The following VPS13B variants were observed in gnomAD, a reference collection of about 807,000 sequenced individuals.
VPS13B encodes vacuolar protein sorting 13 homolog B.
VPS13B carries 285 observed loss-of-function variants against 426.4 expected under a neutral mutation model. The ratio of observed to expected loss-of-function variants is 0.67; its 90% CI spans 0.61 to 0.74. The LOEUF is 0.74. VPS13B is among the 30% of genes least tolerant of loss of function. The probability of loss-of-function intolerance (pLI) is 0.00; values close to 1 mark genes in which losing one functional copy is unlikely to be tolerated. For missense variants in VPS13B, 4,537 were observed against 4,782.6 expected, an observed-to-expected ratio of 0.95 and a Z score of 1.51; for synonymous variants, 1,676 against 1,676.4, an observed-to-expected ratio of 1.00 and a Z score of 0.01.
chr8:99,783,789 T>G (rs1003378446), intron 42 of VPS13B, among the ~76,000 whole-genome samples: 10 of 152,322 alleles, frequency 6.6e-5, no homozygotes, highest in African/African-American at 2.4e-4. Context: ...TTTATTTACA[T>G]CTCTCACTGA....
intron 39 of VPS13B, among the ~76,000 whole-genome samples, chr8:99,752,171 C>T (rs1810428289): frequency 6.6e-6 from 1 of 151,544 alleles, no homozygotes. Context: ...AGCAAGACTC[C>T]ATCTCTAAAA....
intron 42 of VPS13B, among the ~76,000 whole-genome samples, chr8:99,781,247 A>G (rs1188430858): frequency 1.3e-5 from 2 of 152,192 alleles, no homozygotes; most frequent in Non-Finnish European, 2.9e-5. Flanking sequence ...AGGATCCAAA[A>G]TGCCATTTGC....
rs777140563 is a variant in VPS13B, at chr8:99,502,908, A to C, written c.4115A>C (p.Lys1372Thr). 6.2e-7 allele frequency: 1 copy of C among 1,613,162 alleles called. No homozygotes were observed. ...GTCCAGGATGTATATACCAAAGTGA[A>C]ATGTAAAATAGAGAGTTTCAATATT... ...IDVQDVYTKV[K>T]CKIESFNIDH... is the part of the protein sequence containing the mutation. The change falls in exon 27 of 62, where the codon AAA becomes ACA. Residue 1372 changes from lysine (K) to threonine (T), a missense_variant. Around this residue, in one of 2 missense-constraint regions of VPS13B, gnomAD observed 4,311 missense variants for 4,474.3 expected, o/e 0.96. Coordinates refer to ENST00000357162, the MANE Select transcript of VPS13B (RefSeq NM_152564.5).
intron 6 of VPS13B, among the ~76,000 whole-genome samples, chr8:99,112,780 C>T (rs1325131723): frequency 6.6e-6 from 1 of 152,002 alleles, no homozygotes; most frequent in Middle Eastern, 3.2e-3. Flanking sequence ...ATGTAATGGT[C>T]TATTCTAGGA....
chr8:99,014,112 T>TC (rs1841470943), intron 2 of VPS13B, among the ~76,000 whole-genome samples, 177 bp downstream of exon 2: 1 of 111,732 alleles, frequency 8.9e-6, no homozygotes, highest in African/African-American at 3.9e-5. Context: ...CTTTCTTTCT[T>TC]TTTTTTTTTT....
chr8:99,624,482 A>G (rs1828516333), intron 33 of VPS13B, among the ~76,000 whole-genome samples: 3 of 152,158 alleles, frequency 2.0e-5, no homozygotes, highest in African/African-American at 7.2e-5. Context: ...AGGTGTAGCC[A>G]GGCCTAAAAA....
At chr8:99,374,718 T>C (rs1450900254) in intron 19 of VPS13B, among the ~76,000 whole-genome samples, 4 of 152,234 alleles carry the variant, frequency 2.6e-5, no homozygotes, top group African/African-American at 9.6e-5. Context: ...TCTTTGGCTT[T>C]TATTCCATAC....
rs1227378421 is a variant in VPS13B at position 99,875,689 on chromosome 8, C to T, written c.*23C>T. ...TGAGTCCCCTCTGAGGTGTTTATTC[C>T]TGCTTGTGTGATTTAGTTTTTGGGT... On this transcript the variant is annotated 3_prime_UTR_variant, in exon 62 of 62. Transcript: ENST00000357162. 1 of 1,613,150 alleles carries T rather than the reference C, an allele frequency of 6.2e-7. No individual in the cohort carries two copies. Among genetic ancestry groups the T allele is most frequent in the Non-Finnish European group, 8.5e-7 (1 of 1,179,934 alleles).
At chr8:99,848,116 T>G (rs1165917199) in intron 54 of VPS13B, among the ~76,000 whole-genome samples, 4 of 152,252 alleles carry the variant, frequency 2.6e-5, no homozygotes, top group African/African-American at 7.2e-5. Context: ...AACTCACTAT[T>G]TAATACTGAA....
intron 5 of VPS13B, among the ~76,000 whole-genome samples, chr8:99,104,727 G>A (rs1041154971): frequency 6.6e-6 from 1 of 152,072 alleles, no homozygotes; most frequent in African/African-American, 2.4e-5. Context: ...GGGCTCAGGT[G>A]ATCCTCCCAT....
rs566497329 is a variant in VPS13B, at chr8:99,548,645, C to T, written c.4746-7805C>T. Among the ~76,000 whole-genome samples, 148 of 151,604 alleles carry T rather than the reference C, an allele frequency of 9.8e-4. No individual in the cohort carries two copies. The Middle Eastern group carries it at 0.011, about 11-fold the overall frequency. On this transcript the variant is annotated intron_variant, in intron 30 of 61. Coordinates refer to ENST00000357162, the MANE Select transcript of VPS13B (RefSeq NM_152564.5). ...AATGCTTTTAATATTTCATAATAAC[C>T]GAAATTGGTTTTAAGTATGTATAGG...
chr8:99,335,821 C>G (rs989769945), intron 19 of VPS13B, among the ~76,000 whole-genome samples: 4 of 152,070 alleles, frequency 2.6e-5, no homozygotes, highest in Non-Finnish European at 4.4e-5. Context: ...CGTGAAGGAC[C>G]TCTTCAAGGA....
At chr8:99,038,313 C>A in intron 2 of VPS13B, 110 bp from the exon 3 acceptor site, 2 of 879,128 alleles carry the variant, frequency 2.3e-6, no homozygotes, top group African/African-American at 1.7e-5. Context: ...AACAATAAGT[C>A]TCTGAATATT....
intron 33 of VPS13B, among the ~76,000 whole-genome samples, chr8:99,602,116 GT>G (rs1316631909): frequency 6.6e-6 from 1 of 152,132 alleles, no homozygotes; most frequent in African/African-American, 2.4e-5. Context: ...TTCTTGTAGG[GT>G]TTTTATAGTT....
At chr8:99,300,367 G>A (rs1248691358) in intron 19 of VPS13B, among the ~76,000 whole-genome samples, 1 of 152,168 alleles carries the variant, frequency 6.6e-6, no homozygotes, top group Non-Finnish European at 1.5e-5. Context: ...GCTTTTGAAA[G>A]CAAATAGTTA....
intron 33 of VPS13B, among the ~76,000 whole-genome samples, chr8:99,639,642 T>A (rs1829221121): frequency 6.7e-6 from 1 of 148,586 alleles, no homozygotes; most frequent in African/African-American, 2.5e-5. Flanking sequence ...ATATATAAGT[T>A]ATTGCATATA....
chr8:99,547,391 A>G (rs1015965115), intron 30 of VPS13B, among the ~76,000 whole-genome samples: 1 of 152,090 alleles, frequency 6.6e-6, no homozygotes, highest in Non-Finnish European at 1.5e-5. Flanking sequence ...ATATGTAGAC[A>G]TTTAATTTAA....
At chr8:99,312,566 G>C (rs953099663) in intron 19 of VPS13B, among the ~76,000 whole-genome samples, 1 of 152,150 alleles carries the variant, frequency 6.6e-6, no homozygotes, top group Non-Finnish European at 1.5e-5. Flanking sequence ...TTCCCTTTGT[G>C]GGTAACCGGA....
chr8:99,857,979 G>C (rs1357975075), intron 56 of VPS13B, among the ~76,000 whole-genome samples: 1 of 152,182 alleles, frequency 6.6e-6, no homozygotes, highest in Non-Finnish European at 1.5e-5. Context: ...TCTCTTCGTG[G>C]GCTGGGCATG....
Sources: gnomAD v4.1 joint callset for allele counts (sites outside exome capture counted in the v4.1 genomes callset) on GRCh38, gnomAD v4.1.1 for gene constraint, gnomAD v4.1.1 regional missense constraint, MANE v1.5 for transcripts, NCBI Gene and HGNC (gene_info 2026-07-23, HGNC 2026-07-21) for gene names.